GFRA1: variants seen among roughly 807,000 people sequenced by gnomAD.
GFRA1 encodes GDNF family receptor alpha 1.
In GFRA1, 16 loss-of-function variants were observed where a neutral mutation model predicts 51.6. The observed-to-expected ratio is 0.31, with a 90% CI of 0.21 to 0.47. The LOEUF (loss-of-function observed/expected upper bound fraction) is 0.47. Among genes scored for constraint, GFRA1 ranks in the 20% least tolerant of loss-of-function variants. The pLI, the probability that GFRA1 is intolerant of heterozygous loss-of-function variation, is 1.00. For missense variants in GFRA1, 530 were observed against 594.3 expected (o/e 0.89, Z 1.13); for synonymous variants, 270 against 241.3 (o/e 1.12, Z -1.10).
intron 9 of GFRA1, among the ~76,000 whole-genome samples, chr10:116,082,050 A>G (rs1955874210): frequency 6.6e-6 from 1 of 152,214 alleles, no homozygotes; most frequent in South Asian, 2.1e-4. Flanking sequence ...ATTTGAGGCT[A>G]AGAGGCAGGA....
chr10:116,183,782 G>T (rs796372470), intron 5 of GFRA1, among the ~76,000 whole-genome samples: 1 of 152,216 alleles, frequency 6.6e-6, no homozygotes, highest in African/African-American at 2.4e-5. Context: ...GGGCAGGACA[G>T]CATCTCTGCC....
chr10:116,145,817 A>G (rs1565608616), intron 5 of GFRA1, among the ~76,000 whole-genome samples: 1 of 152,322 alleles, frequency 6.6e-6, no homozygotes, highest in East Asian at 1.9e-4. Flanking sequence ...GTGATGGAAG[A>G]CAGGATAAAT....
intron 6 of GFRA1, among the ~76,000 whole-genome samples, chr10:116,099,404 A>T (rs1351046863): frequency 6.6e-6 from 1 of 152,216 alleles, no homozygotes; most frequent in Non-Finnish European, 1.5e-5. Flanking sequence ...TAAAGCATGC[A>T]TCATGTCTCC....
intron 9 of GFRA1, among the ~76,000 whole-genome samples, chr10:116,074,557 C>T (rs756127403): frequency 1.8e-4 from 28 of 152,178 alleles, no homozygotes; most frequent in Non-Finnish European, 3.4e-4. Context: ...TCAAGCCAGG[C>T]CAGGAGGTTT....
chr10:116,150,325 TA>T (rs201922795), intron 5 of GFRA1, among the ~76,000 whole-genome samples: 2 of 151,478 alleles, frequency 1.3e-5, no homozygotes, highest in Admixed American at 6.6e-5. Context: ...TGCTCTTCCT[TA>T]AAAAAAAACT....
chr10:116,247,799 A>G (rs1490730049), intron 4 of GFRA1, among the ~76,000 whole-genome samples: 1 of 152,128 alleles, frequency 6.6e-6, no homozygotes, highest in Non-Finnish European at 1.5e-5. Flanking sequence ...TTCATGTATC[A>G]TCTGCCCTCC....
intron 5 of GFRA1, among the ~76,000 whole-genome samples, chr10:116,188,062 A>G (rs146834647): frequency 0.023 from 3,463 of 152,248 alleles, 68 homozygotes; most frequent in Admixed American, 0.035. Flanking sequence ...AGGAAACCAC[A>G]ACCCTATATA....
At chr10:116,228,076 A>G (rs910620997) in intron 4 of GFRA1, among the ~76,000 whole-genome samples, 13 of 152,236 alleles carry the variant, frequency 8.5e-5, no homozygotes, top group Admixed American at 4.6e-4. Flanking sequence ...TCGCGTTTCA[A>G]AAGAACTGGC....
chr10:116,244,511 TAAAA>T (rs1470558262), intron 4 of GFRA1, among the ~76,000 whole-genome samples: 1 of 147,968 alleles, frequency 6.8e-6, no homozygotes, highest in Admixed American at 6.8e-5. Context: ...ATCCTATATA[TAAAA>T]ATATATAAAG....
At chr10:116,215,188 C>T (rs1965474685) in intron 4 of GFRA1, among the ~76,000 whole-genome samples, 1 of 152,022 alleles carries the variant, frequency 6.6e-6, no homozygotes. Flanking sequence ...TTTCACTTTT[C>T]CAGAATGAAA....
chr10:116,067,897 A>G (rs939535163), intron 9 of GFRA1, among the ~76,000 whole-genome samples: 2 of 152,224 alleles, frequency 1.3e-5, no homozygotes, highest in African/African-American at 4.8e-5. Flanking sequence ...CATTTCGATC[A>G]GCTCCAAGTC....
intron 5 of GFRA1, among the ~76,000 whole-genome samples, chr10:116,204,637 A>G (rs2694761): frequency 0.035 from 5,404 of 152,348 alleles, 234 homozygotes; most frequent in African/African-American, 0.11. Flanking sequence ...TCAAAGGGGC[A>G]TAGAAGCCAG....
Position 116,109,526 on chromosome 10 carries a change from A to C in GFRA1, c.771-12762T>G, listed in dbSNP as rs563759960. 3.3e-5 allele frequency among the ~76,000 whole-genome samples: 5 copies of C among 152,282 alleles called. No homozygotes were observed. In the South Asian group the frequency reaches 6.2e-4, roughly 19 times the overall value. On this transcript the variant is annotated intron_variant, in intron 6 of 10. Transcript: ENST00000355422. ...TCCTGCGACACAGCTAGGAGGGGAA[A>C]TCATCTGGGCCTAGGCCTTGCCTCT...
At chr10:116,181,131 T>C (rs1028892883) in intron 5 of GFRA1, among the ~76,000 whole-genome samples, 3 of 152,236 alleles carry the variant, frequency 2.0e-5, no homozygotes, top group African/African-American at 7.2e-5. Flanking sequence ...ACAAAGATGT[T>C]ATTATTCTTA....
At position 116,063,211 on chromosome 10, in the gene GFRA1, C is replaced by T. The variant is rs1954908855; in HGVS notation, c.*1187G>A. ...ACCAAGGTACTGGATTGTGTCATGA[C>T]AAGTGTGTCAAGAGATGCTGCAGAA... On this transcript the variant is annotated 3_prime_UTR_variant, in exon 11 of 11. Coordinates refer to ENST00000355422, the MANE Select transcript of GFRA1 (RefSeq NM_005264.8). The T allele has an allele frequency of 6.6e-6, 1 of 152,208 alleles. No individual in the cohort carries two copies. The highest frequency in any genetic ancestry group is 1.5e-5 in the Non-Finnish European group (1 of 68,050). The allele number at this position is 152,208 out of a possible 1,614,324, so 9.4% of individuals were successfully genotyped here.
At chr10:116,130,740 A>T (rs1958072759) in intron 5 of GFRA1, among the ~76,000 whole-genome samples, 1 of 152,150 alleles carries the variant, frequency 6.6e-6, no homozygotes, top group Admixed American at 6.5e-5. Context: ...AACAAACAAA[A>T]AACCTCAATC....
rs150204621 is a variant in GFRA1 at position 116,085,701 on chromosome 10, T to C, written c.1197+4040A>G. 7.9e-5 allele frequency among the ~76,000 whole-genome samples: 12 copies of C among 152,240 alleles called. No individual in the cohort carries two copies. In the South Asian group the frequency reaches 2.1e-3, roughly 26 times the overall value. On this transcript the variant is annotated intron_variant, in intron 9 of 10. Transcript: ENST00000355422. ...CATCACTCTCTCATCCCCCCCATCC[T>C]CTAGCCTCAGATGATCCTTTCAACC...
At chr10:116,156,461 G>C (rs920693473) in intron 5 of GFRA1, among the ~76,000 whole-genome samples, 2 of 152,142 alleles carry the variant, frequency 1.3e-5, no homozygotes, top group Non-Finnish European at 2.9e-5. Context: ...CCTGAATTCT[G>C]GAGTACAACT....
Position 116,251,096 on chromosome 10 carries a change from T to C in GFRA1, c.418+18407A>G, listed in dbSNP as rs534951028. 2.0e-5 allele frequency among the ~76,000 whole-genome samples: 3 copies of C among 152,360 alleles called. No individual in the cohort carries two copies. The East Asian group carries it at 5.8e-4, about 29-fold the overall frequency. Reference sequence around the variant, plus strand: ...CCCCTCTGTTCCCTTCTGTATCATATTGGTCAGTTTTCTTCTTCAGAGTAC... The same window carrying C: ...CCCCTCTGTTCCCTTCTGTATCATACTGGTCAGTTTTCTTCTTCAGAGTAC... On this transcript the variant is annotated intron_variant, in intron 4 of 10. Transcript: ENST00000355422.
Sources: gnomAD v4.1 joint callset for allele counts (sites outside exome capture counted in the v4.1 genomes callset) on GRCh38, gnomAD v4.1.1 for gene constraint, MANE v1.5 for transcripts, NCBI Gene and HGNC (gene_info 2026-07-23, HGNC 2026-07-21) for gene names.